Variants in TRAPPC9 observed in about 807,000 individuals in gnomAD.
The protein encoded by TRAPPC9 is trafficking protein particle complex subunit 9.
In TRAPPC9, 83 loss-of-function variants were observed where a neutral mutation model predicts 124.0. That is an observed-to-expected ratio of 0.67 (90% CI 0.56 to 0.80). The LOEUF (loss-of-function observed/expected upper bound fraction) is 0.80. TRAPPC9 is among the 30% of genes least tolerant of loss of function. The pLI is 0.00. For synonymous variants in TRAPPC9, 638 were observed against 617.5 expected, an observed-to-expected ratio of 1.03 and a Z score of -0.49; for missense variants, 1,302 against 1,508.3, an observed-to-expected ratio of 0.86 and a Z score of 2.27.
intron 17 of TRAPPC9, among the ~76,000 whole-genome samples, chr8:140,172,568 T>A (rs541050711): frequency 3.8e-4 from 57 of 151,974 alleles, no homozygotes; most frequent in African/African-American, 1.4e-3. Context: ...CTCTGGAGTT[T>A]ACAATGGAGG....
At position 140,212,399 on chromosome 8, in the gene TRAPPC9, G is replaced by A. The variant is rs1431547340; in HGVS notation, c.2556+9060C>T. Among the ~76,000 whole-genome samples, 3 of 152,170 alleles carry A rather than the reference G, an allele frequency of 2.0e-5. 1 individual carries two copies. The highest frequency in any genetic ancestry group is 2.9e-5 in the Non-Finnish European group (2 of 68,042). On this transcript the variant is annotated intron_variant, in intron 17 of 22. Transcript: ENST00000438773. Reference sequence around the variant, plus strand: ...GCCAATATGCAGAATTACATTTGCAGGTTTTCTCATGTTAAGCTAACCTTG... The same window carrying A: ...GCCAATATGCAGAATTACATTTGCAAGTTTTCTCATGTTAAGCTAACCTTG...
At chr8:140,167,660 A>C (rs1252966446) in intron 17 of TRAPPC9, among the ~76,000 whole-genome samples, 3 of 152,242 alleles carry the variant, frequency 2.0e-5, no homozygotes, top group African/African-American at 4.8e-5. Flanking sequence ...AAAATTGGAA[A>C]TGTAAGAGGA....
At position 140,283,294 on chromosome 8, in the gene TRAPPC9, C is replaced by CTTTTT. The variant is rs376320364; in HGVS notation, c.2114+590_2114+594dup. ...TAATATAAAAGTTTAATTAAAATTC[C>CTTTTT]TTTTTTTTTTTTTTTTTTGAGACGG... is the stretch of plus-strand genomic sequence containing the variant. On this transcript the variant is annotated intron_variant, in intron 14 of 22. Transcript: ENST00000438773. 2.2e-4 allele frequency among the ~76,000 whole-genome samples: 21 copies of CTTTTT among 97,236 alleles called. 2 individuals are homozygous for CTTTTT. The highest frequency in any genetic ancestry group is 4.4e-4 in the Admixed American group (3 of 6,766). 63.8% of individuals were successfully genotyped at this position (97,236 alleles called of 152,430 possible). A position where few individuals can be genotyped will look rare whatever the true frequency, so the allele number is the denominator to read the frequency against.
At chr8:139,837,690 C>T (rs1826447843) in intron 21 of TRAPPC9, among the ~76,000 whole-genome samples, 2 of 152,230 alleles carry the variant, frequency 1.3e-5, no homozygotes, top group Admixed American at 1.3e-4. Context: ...CTTTGGCACA[C>T]CCACGTGGCT....
chr8:140,357,761 A>C (rs2067796872), intron 9 of TRAPPC9, among the ~76,000 whole-genome samples: 2 of 152,190 alleles, frequency 1.3e-5, no homozygotes, highest in South Asian at 4.1e-4. Context: ...CCCGTCACCG[A>C]AACGCCGGAG....
intron 17 of TRAPPC9, among the ~76,000 whole-genome samples, chr8:140,046,966 A>G (rs1841638623): frequency 6.6e-6 from 1 of 152,226 alleles, no homozygotes. Context: ...ACGTGTACAG[A>G]AAAAGCCTAG....
At chr8:140,438,179 C>A (rs2070885336) in intron 3 of TRAPPC9, among the ~76,000 whole-genome samples, 1 of 152,152 alleles carries the variant, frequency 6.6e-6, no homozygotes, top group Non-Finnish European at 1.5e-5. Context: ...CTCCTCCCAG[C>A]CCCTAGAACC....
At chr8:140,422,492 G>A (rs913108961) in intron 5 of TRAPPC9, among the ~76,000 whole-genome samples, 2 of 151,976 alleles carry the variant, frequency 1.3e-5, no homozygotes, top group Admixed American at 6.6e-5. Context: ...AGTGGCTCAC[G>A]CCTGTAATCC....
chr8:140,223,555 G>A (rs745736812), intron 16 of TRAPPC9, among the ~76,000 whole-genome samples: 2 of 152,106 alleles, frequency 1.3e-5, no homozygotes, highest in South Asian at 2.1e-4. Flanking sequence ...TATCTCAAAC[G>A]AACCCATCTA....
At chr8:140,015,556 G>A (rs539380708) in intron 18 of TRAPPC9, among the ~76,000 whole-genome samples, 11 of 152,274 alleles carry the variant, frequency 7.2e-5, no homozygotes, top group African/African-American at 2.4e-4. Flanking sequence ...GGGAGGCCGA[G>A]GTGGGTGGAT....
chr8:140,244,031 C>T lies in TRAPPC9; in HGVS notation c.2431+8746G>A, dbSNP rs569608329. ...GTGCACACCAAGGATCTAGGTTGCA[C>T]GCTCCTTATGAGAATCTAATGCCTG... On this transcript the variant is annotated intron_variant, in intron 16 of 22. Coordinates refer to ENST00000438773, the MANE Select transcript of TRAPPC9 (RefSeq NM_001160372.4). 3.9e-5 allele frequency among the ~76,000 whole-genome samples: 6 copies of T among 152,292 alleles called. No homozygotes were observed. In the South Asian group the frequency reaches 8.3e-4, roughly 21 times the overall value.
At chr8:139,737,131 G>T (rs1204680163) in intron 21 of TRAPPC9, among the ~76,000 whole-genome samples, 1 of 152,194 alleles carries the variant, frequency 6.6e-6, no homozygotes, top group Non-Finnish European at 1.5e-5. Context: ...CCCGTCTGTG[G>T]CCCGCGCAGG....
In TRAPPC9 at chr8:140,372,543, A is replaced by C. The variant is rs1218448940; in HGVS notation, c.1135-1363T>G. Among the ~76,000 whole-genome samples the C allele has an allele frequency of 3.9e-5, 6 of 152,102 alleles. No individual in the cohort carries two copies. The East Asian group carries it at 1.2e-3, about 29-fold the overall frequency. ...GACATGGCTCAGAGCCCATCACCCG[A>C]GCCACGGTTTGAATGTTTGTGCCTC... On this transcript the variant is annotated intron_variant, in intron 7 of 22. Transcript: ENST00000438773.
At chr8:139,793,566 A>G (rs1012251729) in intron 21 of TRAPPC9, among the ~76,000 whole-genome samples, 1 of 152,128 alleles carries the variant, frequency 6.6e-6, no homozygotes, top group African/African-American at 2.4e-5. Flanking sequence ...GCCACCATGG[A>G]CTGAGAGTGC....
rs913422337 is a variant in TRAPPC9, at chr8:140,283,452, G to A, written c.2114+437C>T. 3.3e-5 allele frequency among the ~76,000 whole-genome samples: 5 copies of A among 150,378 alleles called. No individual in the cohort carries two copies. The East Asian group carries it at 5.9e-4, about 18-fold the overall frequency. ...TGTGACTACAGGCGCCCGCCACCAC[G>A]CCTGGCTAATTTTTTTTTTTATTTT... On this transcript the variant is annotated intron_variant, in intron 14 of 22. Coordinates refer to ENST00000438773, the MANE Select transcript of TRAPPC9 (RefSeq NM_001160372.4).
chr8:140,035,405 T>TA (rs1840812441), intron 17 of TRAPPC9, among the ~76,000 whole-genome samples: 1 of 152,202 alleles, frequency 6.6e-6, no homozygotes, highest in Admixed American at 6.5e-5. Context: ...ACTAAGGTGT[T>TA]ACGCATGCAG....
At chr8:139,773,706 A>G (rs1039472313) in intron 21 of TRAPPC9, among the ~76,000 whole-genome samples, 1 of 151,988 alleles carries the variant, frequency 6.6e-6, no homozygotes, top group Non-Finnish European at 1.5e-5. Context: ...CGGCAGCAAA[A>G]CCACCCATCA....
chr8:140,000,907 A>G (rs1237772890), intron 18 of TRAPPC9, among the ~76,000 whole-genome samples: 2 of 152,248 alleles, frequency 1.3e-5, no homozygotes, highest in African/African-American at 2.4e-5. Context: ...ATTATAAATC[A>G]TGCTACTCTA....
intron 15 of TRAPPC9, among the ~76,000 whole-genome samples, chr8:140,256,672 T>C (rs951918623): frequency 2.0e-5 from 3 of 152,120 alleles, no homozygotes; most frequent in African/African-American, 7.2e-5. Flanking sequence ...GCAGAAGCTG[T>C]GGTTAAACAC....
Sources: allele counts gnomAD v4.1 joint callset (sites outside exome capture counted in the v4.1 genomes callset), GRCh38; gene constraint gnomAD v4.1.1; transcripts MANE v1.5; gene names NCBI Gene and HGNC (gene_info 2026-07-23, HGNC 2026-07-21).